DMXL2: variants seen among roughly 807,000 people sequenced by gnomAD.
DMXL2 encodes dmX-like protein 2.
In DMXL2, 103 loss-of-function variants were observed where a neutral mutation model predicts 331.1. That is an observed-to-expected ratio of 0.31 (90% CI 0.27 to 0.37). The LOEUF is 0.37. DMXL2 is among the 10% of genes least tolerant of loss of function. The probability of loss-of-function intolerance (pLI) is 1.00; values close to 1 mark genes in which losing one functional copy is unlikely to be tolerated. For missense variants in DMXL2, 3,171 were observed against 3,642.9 expected (o/e 0.87, Z 3.33); for synonymous variants, 1,281 against 1,252.1 (o/e 1.02, Z -0.49).
At chr15:51,514,345 TGA>T (rs769638039) in intron 15 of DMXL2, 95 bp downstream of exon 15, 44 of 694,710 alleles carry the variant, frequency 6.3e-5, no homozygotes, top group Admixed American at 2.6e-4. Context: ...TCAAAAATTA[TGA>T]GAGTGGTAAC....
chr15:51,611,249 T>C (rs560567055), intron 1 of DMXL2, among the ~76,000 whole-genome samples: 1 of 152,144 alleles, frequency 6.6e-6, no homozygotes, highest in East Asian at 1.9e-4. Context: ...GAGGCACAAA[T>C]AACCAATGGC....
At chr15:51,613,643 A>G (rs999060076) in intron 1 of DMXL2, among the ~76,000 whole-genome samples, 1 of 152,176 alleles carries the variant, frequency 6.6e-6, no homozygotes, top group Non-Finnish European at 1.5e-5. Context: ...TACAATGCAG[A>G]TATTATATTA....
intron 1 of DMXL2, among the ~76,000 whole-genome samples, chr15:51,587,077 C>A (rs1044655235): frequency 1.3e-5 from 2 of 151,766 alleles, no homozygotes; most frequent in Non-Finnish European, 2.9e-5. Flanking sequence ...CAAATTTATT[C>A]TCAAAAGCTT....
intron 1 of DMXL2, among the ~76,000 whole-genome samples, chr15:51,617,777 G>A (rs1211314602): frequency 6.6e-6 from 1 of 152,152 alleles, no homozygotes; most frequent in Non-Finnish European, 1.5e-5. Flanking sequence ...CACCATACAA[G>A]TAGTTGGTCT....
chr15:51,457,604 G>A, intron 36 of DMXL2, 138 bp from the exon 37 acceptor site: 1 of 965,874 alleles, frequency 1.0e-6, no homozygotes. Flanking sequence ...TTAGGTACAA[G>A]TCCTAATCGC....
At chr15:51,477,931 C>T (rs894229458) in intron 26 of DMXL2, among the ~76,000 whole-genome samples, 2 of 151,810 alleles carry the variant, frequency 1.3e-5, no homozygotes, top group Admixed American at 6.6e-5. Flanking sequence ...TAAATAGCTG[C>T]TAATCCAATG....
chr15:51,457,031 G>A (rs1349290905), intron 37 of DMXL2, among the ~76,000 whole-genome samples: 1 of 152,152 alleles, frequency 6.6e-6, no homozygotes, highest in Non-Finnish European at 1.5e-5. Context: ...AATTAGCCAG[G>A]CACGCTGGCA....
At chr15:51,477,636 T>C (rs1289617554) in intron 26 of DMXL2, among the ~76,000 whole-genome samples, 1 of 152,108 alleles carries the variant, frequency 6.6e-6, no homozygotes, top group Non-Finnish European at 1.5e-5. Context: ...TCTACTATTA[T>C]AAACTTTTCA....
Position 51,622,766 on chromosome 15 carries a change from G to A in DMXL2, c.-221C>T. ...GCCGCCCGGGTCGCCGCTCAGCTGC[G>A]GAAATGCCCGGATGTTCCCACTGCC... On this transcript the variant is annotated 5_prime_UTR_variant, in exon 1 of 44. Transcript: ENST00000560891. 1 of 774,812 alleles carries A rather than the reference G, an allele frequency of 1.3e-6. No individual in the cohort carries two copies. Among genetic ancestry groups the A allele is most frequent in the Non-Finnish European group, 2.0e-6 (1 of 512,060 alleles). 48.0% of individuals were successfully genotyped at this position (774,812 alleles called of 1,614,324 possible).
chr15:51,461,279 G>A (rs2040087958), intron 33 of DMXL2, among the ~76,000 whole-genome samples: 3 of 152,080 alleles, frequency 2.0e-5, no homozygotes, highest in Admixed American at 2.0e-4. Context: ...GGGAGACTAA[G>A]GGGCGGAGAG....
intron 1 of DMXL2, among the ~76,000 whole-genome samples, chr15:51,591,247 T>C (rs1344926916): frequency 1.3e-5 from 2 of 152,238 alleles, no homozygotes; most frequent in Non-Finnish European, 2.9e-5. Flanking sequence ...TACTGTGCTT[T>C]TGCAATGGTC....
At position 51,542,381 on chromosome 15, in the gene DMXL2, T is replaced by C. The variant is rs1437520976; in HGVS notation, c.1057A>G (p.Asn353Asp). The change falls in exon 9 of 44, where the codon AAT becomes GAT. Residue 353 changes from asparagine to aspartate, a missense_variant. Around this residue, in one of 7 missense-constraint regions of DMXL2, gnomAD observed 1,674 missense variants for 1,780.2 expected, o/e 0.94. Coordinates refer to ENST00000560891, the MANE Select transcript of DMXL2 (RefSeq NM_001378457.1). ...GCAATATGAAAATGACAGAGTGCAT[T>C]TGCATGGTGGGAAATGTGTCTTTGA... ...EVQRHISHHA[N>D]ALCHFHIAAS... 1.2e-6 allele frequency: 2 copies of C among 1,613,792 alleles called. No individual in the cohort carries two copies. Among genetic ancestry groups the C allele is most frequent in the East Asian group, 2.2e-5 (1 of 44,850 alleles).
intron 33 of DMXL2, among the ~76,000 whole-genome samples, chr15:51,461,296 A>C (rs1255914623): frequency 2.0e-5 from 3 of 152,074 alleles, no homozygotes; most frequent in African/African-American, 7.2e-5. Context: ...AGAGGGGGAG[A>C]ATTAGTTAAG....
intron 42 of DMXL2, among the ~76,000 whole-genome samples, chr15:51,451,436 T>C (rs1247797078): frequency 6.6e-6 from 1 of 152,220 alleles, no homozygotes; most frequent in East Asian, 1.9e-4. Context: ...CTATTTTGGA[T>C]TTCTGAGACC....
chr15:51,487,729 A>T (rs575714205), intron 22 of DMXL2, among the ~76,000 whole-genome samples: 1 of 152,180 alleles, frequency 6.6e-6, no homozygotes, highest in Non-Finnish European at 1.5e-5. Context: ...AAGAGCTGGG[A>T]TTACAGGCGT....
chr15:51,550,208 C>T (rs1403197089), intron 6 of DMXL2, among the ~76,000 whole-genome samples: 1 of 152,166 alleles, frequency 6.6e-6, no homozygotes, highest in South Asian at 2.1e-4. Flanking sequence ...AGAAAAAGCA[C>T]TTGACAAAAT....
intron 1 of DMXL2, among the ~76,000 whole-genome samples, chr15:51,622,197 C>G (rs1298608262): frequency 6.6e-6 from 1 of 152,240 alleles, no homozygotes; most frequent in Non-Finnish European, 1.5e-5. Flanking sequence ...CTAGTCCAGT[C>G]ACCTCAGGCC....
chr15:51,582,569 C>T (rs2051506478), intron 1 of DMXL2, among the ~76,000 whole-genome samples: 1 of 152,114 alleles, frequency 6.6e-6, no homozygotes, highest in Admixed American at 6.5e-5. Context: ...CACAGATTAA[C>T]AAAGATTTCC....
chr15:51,521,895 A>T (rs2047402389), intron 13 of DMXL2, among the ~76,000 whole-genome samples: 1 of 152,228 alleles, frequency 6.6e-6, no homozygotes, highest in African/African-American at 2.4e-5. Flanking sequence ...TTGAGTAAAT[A>T]AGTTACTGAG....
Sources: gnomAD v4.1 joint callset for allele counts (sites outside exome capture counted in the v4.1 genomes callset) on GRCh38, gnomAD v4.1.1 for gene constraint, gnomAD v4.1.1 regional missense constraint, MANE v1.5 for transcripts, NCBI Gene and HGNC (gene_info 2026-07-23, HGNC 2026-07-21) for gene names.